The following FBXL2 variants were observed in gnomAD, a reference collection of about 807,000 sequenced individuals.
FBXL2 encodes the protein F-box/LRR-repeat protein 2.
FBXL2 carries 38 observed loss-of-function variants against 69.2 expected under a neutral mutation model. That is an observed-to-expected ratio of 0.55 (90% CI 0.42 to 0.72). The LOEUF is 0.72. Ranked by LOEUF, FBXL2 falls within the 30% of genes least tolerant of loss-of-function variation. The pLI is 0.00. For missense variants in FBXL2, 354 were observed against 520.3 expected, an observed-to-expected ratio of 0.68 and a Z score of 3.11; for synonymous variants, 192 against 201.3, an observed-to-expected ratio of 0.95 and a Z score of 0.39.
At chr3:33,336,581 A>G (rs1320288605) in intron 2 of FBXL2, among the ~76,000 whole-genome samples, 1 of 152,230 alleles carries the variant, frequency 6.6e-6, no homozygotes, top group Non-Finnish European at 1.5e-5. Context: ...AAAATAATTG[A>G]TAAATTGGAC....
intron 12 of FBXL2, chr3:33,396,267 G>A (rs1202750694): frequency 3.8e-6 from 6 of 1,578,666 alleles, no homozygotes; most frequent in East Asian, 2.3e-5. Flanking sequence ...ATGGTTAAAC[G>A]GGGTCTAACC....
intron 1 of FBXL2, among the ~76,000 whole-genome samples, chr3:33,285,077 G>A (rs937944846): frequency 6.6e-6 from 1 of 152,148 alleles, no homozygotes; most frequent in Non-Finnish European, 1.5e-5. Context: ...ATTTGATTGT[G>A]TCATTATGAT....
intron 2 of FBXL2, among the ~76,000 whole-genome samples, chr3:33,311,825 C>T (rs1029488176): frequency 2.6e-5 from 4 of 151,968 alleles, no homozygotes; most frequent in Non-Finnish European, 4.4e-5. Context: ...GGGGTTTCAC[C>T]GTGTTAGCCA....
At chr3:33,390,188 G>GCT (rs779684590), downstream of FBXL2, 4 of 785,680 alleles carry the variant, frequency 5.1e-6, no homozygotes, top group Non-Finnish European at 8.3e-6. Flanking sequence ...CTCTCATACA[G>GCT]CTCATTAGAA....
At chr3:33,395,032 A>G (rs2154054876) in intron 12 of FBXL2, among the ~76,000 whole-genome samples, 1 of 152,228 alleles carries the variant, frequency 6.6e-6, no homozygotes, top group East Asian at 1.9e-4. Flanking sequence ...ATATCCCTCC[A>G]CAAACACTCA....
chr3:33,378,057 G>C, intron 11 of FBXL2, 46 bp from the exon 12 acceptor site: 3 of 1,594,670 alleles, frequency 1.9e-6, no homozygotes, highest in Non-Finnish European at 1.7e-6. Context: ...CATTGTTGCT[G>C]TCACCACTGA....
chr3:33,307,695 T>G (rs1002191297), intron 2 of FBXL2, among the ~76,000 whole-genome samples: 1 of 151,962 alleles, frequency 6.6e-6, no homozygotes, highest in Non-Finnish European at 1.5e-5. Context: ...ATGAGAGATA[T>G]ATATATAATA....
intron 2 of FBXL2, among the ~76,000 whole-genome samples, chr3:33,325,052 T>C (rs1225179409): frequency 6.6e-6 from 1 of 152,196 alleles, no homozygotes; most frequent in African/African-American, 2.4e-5. Context: ...GGTATTTTAT[T>C]CTCTTCGTAG....
chr3:33,400,260 A>T (rs777499187), intron 12 of FBXL2: 22 of 1,602,058 alleles, frequency 1.4e-5, no homozygotes, highest in Non-Finnish European at 1.4e-5. Flanking sequence ...TGTTTCCTGG[A>T]TCGTAGCTGA....
At position 33,403,045 on chromosome 3, in the gene FBXL2, T is replaced by C. The variant is rs115601861; in HGVS notation, n.1215-189T>C. 1,009 of 751,404 alleles carry C rather than the reference T, an allele frequency of 1.3e-3. 5 individuals carry two copies. In the African/African-American group the frequency reaches 0.015, roughly 11 times the overall value. 46.5% of individuals were successfully genotyped at this position (751,404 alleles called of 1,614,324 possible). Reference sequence around the variant, plus strand: ...TTTATCAAGCAACCTCACAGACACATGTCAAATTTACTTCTGTGTGGCAAA... The same window carrying C: ...TTTATCAAGCAACCTCACAGACACACGTCAAATTTACTTCTGTGTGGCAAA... On this transcript the variant is annotated intron_variant and non_coding_transcript_variant, in intron 12 of 12. Coordinates refer to the FBXL2 transcript ENST00000463736.
intron 2 of FBXL2, among the ~76,000 whole-genome samples, chr3:33,319,914 T>A (rs911061019): frequency 1.3e-5 from 2 of 152,176 alleles, no homozygotes; most frequent in African/African-American, 2.4e-5. Flanking sequence ...AGACAAAATC[T>A]CACAGAAGAT....
At chr3:33,402,535 T>C (rs2044267047) in intron 12 of FBXL2, among the ~76,000 whole-genome samples, 1 of 152,298 alleles carries the variant, frequency 6.6e-6, no homozygotes, top group African/African-American at 2.4e-5. Flanking sequence ...ACAAAGAATA[T>C]ATCTTGGCTA....
intron 11 of FBXL2, 66 bp downstream of exon 11, chr3:33,377,399 A>G: frequency 6.5e-7 from 1 of 1,543,594 alleles, no homozygotes; most frequent in Non-Finnish European, 9.0e-7. Flanking sequence ...AGTGACTTGG[A>G]GTGGTTTTGG....
At chr3:33,325,976 TA>T (rs1253655877) in intron 2 of FBXL2, among the ~76,000 whole-genome samples, 1 of 152,232 alleles carries the variant, frequency 6.6e-6, no homozygotes, top group African/African-American at 2.4e-5. Flanking sequence ...TGTGCATACA[TA>T]TCAGGCTAAT....
chr3:33,285,448 A>G (rs1416198720), intron 1 of FBXL2, among the ~76,000 whole-genome samples: 1 of 152,250 alleles, frequency 6.6e-6, no homozygotes, highest in Admixed American at 6.5e-5. Context: ...GGGTAACCCG[A>G]CCTTTCTCTC....
At chr3:33,412,202 A>T in the FBXL2 span, among the ~76,000 whole-genome samples, 1 of 151,858 alleles carries the variant, frequency 6.6e-6, no homozygotes, top group South Asian at 2.1e-4. Flanking sequence ...AAAAAAAAAA[A>T]AAAAGATAGA....
intron 2 of FBXL2, chr3:33,317,651 G>T: frequency 2.7e-6 from 1 of 368,460 alleles, no homozygotes; most frequent in Non-Finnish European, 5.5e-6. Flanking sequence ...TCCCTATTTT[G>T]TTTACTGGAG....
At chr3:33,397,216 C>T (rs1294499476) in intron 12 of FBXL2, 1 of 1,030,818 alleles carries the variant, frequency 9.7e-7, no homozygotes, top group Non-Finnish European at 1.4e-6. Context: ...TTCATGCAGT[C>T]CAATGTCCTT....
At chr3:33,395,849 C>CA (rs1185296193) in intron 12 of FBXL2, among the ~76,000 whole-genome samples, 8,846 of 105,782 alleles carry the variant, frequency 0.084, 922 homozygotes, top group African/African-American at 0.26. Flanking sequence ...TAAATCTGAC[C>CA]AAAAAAAAAA....
Sources: gnomAD v4.1 joint callset for allele counts (sites outside exome capture counted in the v4.1 genomes callset) on GRCh38, gnomAD v4.1.1 for gene constraint, MANE v1.5 for transcripts, NCBI Gene and HGNC (gene_info 2026-07-23, HGNC 2026-07-21) for gene names.